The following CFAP299 variants were observed in gnomAD, a reference collection of about 807,000 sequenced individuals.
The protein encoded by CFAP299 is cilia- and flagella-associated protein 299.
CFAP299 carries 21 observed loss-of-function variants against 27.0 expected under a neutral mutation model. That is an observed-to-expected ratio of 0.78 (90% confidence interval 0.55 to 1.12). The LOEUF is 1.12. Ranked by LOEUF, CFAP299 falls within the 50% of genes most tolerant of loss-of-function variation. The probability of loss-of-function intolerance (pLI) is 0.00; values close to 1 mark genes in which losing one functional copy is unlikely to be tolerated. For missense variants in CFAP299, 310 were observed against 276.6 expected, an observed-to-expected ratio of 1.12 and a Z score of -0.86; for synonymous variants, 104 against 98.1, an observed-to-expected ratio of 1.06 and a Z score of -0.36.
intron 3 of CFAP299, among the ~76,000 whole-genome samples, chr4:80,671,687 A>G (rs914343255): frequency 2.6e-5 from 4 of 151,898 alleles, no homozygotes; most frequent in African/African-American, 9.7e-5. Flanking sequence ...GTAGTTTGTA[A>G]TTCTCCTTGA....
intron 1 of CFAP299, among the ~76,000 whole-genome samples, chr4:80,348,370 A>G (rs775415269): frequency 6.6e-6 from 1 of 152,202 alleles, no homozygotes; most frequent in Non-Finnish European, 1.5e-5. Context: ...ATTGTAGAAA[A>G]TTTTTGCAAT....
chr4:80,641,501 T>A (rs1739726610), intron 3 of CFAP299, among the ~76,000 whole-genome samples: 6 of 152,192 alleles, frequency 3.9e-5, no homozygotes, highest in Admixed American at 3.3e-4. Context: ...CCATGCCCAA[T>A]CTTATTTTTC....
At chr4:80,355,400 C>T (rs1484657380) in intron 1 of CFAP299, among the ~76,000 whole-genome samples, 1 of 147,410 alleles carries the variant, frequency 6.8e-6, no homozygotes, top group Non-Finnish European at 1.5e-5. Flanking sequence ...CTCTGTCACC[C>T]AGGGTGGAAT....
At chr4:80,851,552 A>G (rs1219555020) in intron 3 of CFAP299, among the ~76,000 whole-genome samples, 1 of 152,166 alleles carries the variant, frequency 6.6e-6, no homozygotes. Flanking sequence ...TAGGAACTGA[A>G]AGGTATAGAA....
chr4:80,759,242 G>A (rs1245513886), intron 3 of CFAP299, among the ~76,000 whole-genome samples: 1 of 152,030 alleles, frequency 6.6e-6, no homozygotes, highest in Non-Finnish European at 1.5e-5. Flanking sequence ...ATGCAAAGCT[G>A]ACCAATATAT....
chr4:80,425,296 C>T (rs768736736), intron 2 of CFAP299, among the ~76,000 whole-genome samples: 4 of 152,088 alleles, frequency 2.6e-5, no homozygotes, highest in East Asian at 1.9e-4. Flanking sequence ...ATATCCAGTC[C>T]GATGCCTTAC....
intron 3 of CFAP299, among the ~76,000 whole-genome samples, chr4:80,749,658 C>G (rs140584929): frequency 6.6e-6 from 1 of 152,102 alleles, no homozygotes; most frequent in Non-Finnish European, 1.5e-5. Context: ...GTCCAAAAGC[C>G]GAAGAACTTA....
chr4:80,783,730 A>G (rs923580298), intron 3 of CFAP299, among the ~76,000 whole-genome samples: 1 of 151,978 alleles, frequency 6.6e-6, no homozygotes, highest in African/African-American at 2.4e-5. Context: ...TTTTGTTTTT[A>G]GGAATCTTTC....
intron 1 of CFAP299, among the ~76,000 whole-genome samples, chr4:80,340,287 C>G (rs910707750): frequency 1.9e-4 from 29 of 152,182 alleles, no homozygotes; most frequent in African/African-American, 4.3e-4. Flanking sequence ...TCCCACAGAT[C>G]GTTGCAACCC....
At chr4:80,579,391 G>A (rs1736053883) in intron 2 of CFAP299, among the ~76,000 whole-genome samples, 1 of 152,180 alleles carries the variant, frequency 6.6e-6, no homozygotes, top group African/African-American at 2.4e-5. Context: ...ATTCCAGGCT[G>A]CTACATGCCC....
chr4:80,945,079 T>G (rs551860650), intron 5 of CFAP299, 140 bp downstream of exon 5: 1 of 759,340 alleles, frequency 1.3e-6, no homozygotes, highest in African/African-American at 1.8e-5. Flanking sequence ...ACTTAGAGCA[T>G]GTACTACCTT....
chr4:80,478,351 A>G (rs762208141), intron 2 of CFAP299, among the ~76,000 whole-genome samples: 4 of 152,172 alleles, frequency 2.6e-5, no homozygotes, highest in Middle Eastern at 3.4e-3. Flanking sequence ...TTTATTTTAT[A>G]ATTTTTTTGT....
At chr4:80,768,406 T>A (rs1440589676) in intron 3 of CFAP299, among the ~76,000 whole-genome samples, 1 of 152,176 alleles carries the variant, frequency 6.6e-6, no homozygotes, top group Admixed American at 6.5e-5. Context: ...ATCTAATCCA[T>A]CAAACACATA....
intron 3 of CFAP299, among the ~76,000 whole-genome samples, chr4:80,842,108 G>C (rs572227304): frequency 5.9e-5 from 9 of 152,020 alleles, no homozygotes; most frequent in Non-Finnish European, 1.2e-4. Flanking sequence ...GGAGAGGTGG[G>C]GGACTTTGGC....
chr4:80,385,823 C>G (rs1396292348), intron 2 of CFAP299, among the ~76,000 whole-genome samples: 4 of 152,252 alleles, frequency 2.6e-5, no homozygotes, highest in Admixed American at 6.5e-5. Context: ...TGGAGGCAGC[C>G]TGGAGGCAGA....
intron 5 of CFAP299, among the ~76,000 whole-genome samples, chr4:80,953,723 G>A (rs1003746924): frequency 6.6e-6 from 1 of 151,930 alleles, no homozygotes; most frequent in Non-Finnish European, 1.5e-5. Context: ...TAAGCTACAC[G>A]AAAGAAAAAA....
At chr4:80,385,008 G>C (rs1275736685) in intron 2 of CFAP299, among the ~76,000 whole-genome samples, 1 of 152,106 alleles carries the variant, frequency 6.6e-6, no homozygotes, top group African/African-American at 2.4e-5. Context: ...GGTATAAAAA[G>C]TGATGTTTTG....
intron 2 of CFAP299, among the ~76,000 whole-genome samples, chr4:80,510,744 A>T (rs1029701930): frequency 6.6e-6 from 1 of 152,202 alleles, no homozygotes; most frequent in East Asian, 1.9e-4. Flanking sequence ...ATATGATTTG[A>T]TAATAAACCT....
intron 3 of CFAP299, among the ~76,000 whole-genome samples, chr4:80,591,359 G>A (rs1250843913): frequency 1.3e-5 from 2 of 151,788 alleles, no homozygotes; most frequent in Non-Finnish European, 2.9e-5. Context: ...TCCTGACCTC[G>A]TGATCCGCCC....
Sources: gnomAD v4.1 joint callset for allele counts (sites outside exome capture counted in the v4.1 genomes callset) on GRCh38, gnomAD v4.1.1 for gene constraint, MANE v1.5 for transcripts, NCBI Gene and HGNC (gene_info 2026-07-23, HGNC 2026-07-21) for gene names.